Variants in CALD1 observed in about 807,000 individuals in gnomAD.
The protein encoded by CALD1 is caldesmon 1.
Under a neutral mutation model 99.9 loss-of-function variants are expected in CALD1, and 33 were observed. The ratio of observed to expected loss-of-function variants is 0.33; its 90% CI spans 0.25 to 0.44. CALD1 has a LOEUF of 0.44. CALD1 is among the 20% of genes least tolerant of loss of function. The pLI is 1.00. For synonymous variants in CALD1, 310 were observed against 325.0 expected (o/e 0.95, Z 0.50); for missense variants, 861 against 962.1 (o/e 0.89, Z 1.39).
At chr7:134,934,785 G>T (rs1805830679) in intron 5 of CALD1, among the ~76,000 whole-genome samples, 1 of 152,164 alleles carries the variant, frequency 6.6e-6, no homozygotes, top group South Asian at 2.1e-4. Context: ...GGAGGCTGAG[G>T]CAGGAGAATC....
intron 1 of CALD1, among the ~76,000 whole-genome samples, chr7:134,808,887 C>T (rs1011571733): frequency 6.6e-6 from 1 of 152,144 alleles, no homozygotes; most frequent in African/African-American, 2.4e-5. Flanking sequence ...TATTTTAAAA[C>T]AAATTTTCAA....
At chr7:134,739,986 G>A (rs921284780), upstream of CALD1, among the ~76,000 whole-genome samples, 7 of 151,794 alleles carry the variant, frequency 4.6e-5, no homozygotes, top group African/African-American at 7.3e-5. Flanking sequence ...AAAATTTAAG[G>A]GAGATACAAG....
At chr7:134,877,215 C>T (rs1241200835) in intron 3 of CALD1, among the ~76,000 whole-genome samples, 1 of 152,146 alleles carries the variant, frequency 6.6e-6, no homozygotes, top group African/African-American at 2.4e-5. Flanking sequence ...GAAACTCAGC[C>T]TTTTGGCAGC....
chr7:134,889,392 G>T (rs1401050277), intron 3 of CALD1, among the ~76,000 whole-genome samples: 3 of 152,140 alleles, frequency 2.0e-5, no homozygotes, highest in East Asian at 1.9e-4. Context: ...CTGGAAAGGG[G>T]TCTCTGATTT....
intron 3 of CALD1, among the ~76,000 whole-genome samples, chr7:134,877,831 T>C (rs1395580457): frequency 6.6e-6 from 1 of 152,164 alleles, no homozygotes; most frequent in Non-Finnish European, 1.5e-5. Flanking sequence ...TATATAAATA[T>C]TGTAATAATA....
chr7:134,935,706 A>G lies in CALD1; in HGVS notation c.1327A>G (p.Lys443Glu). Residue 443 changes from lysine to glutamate, a missense_variant, in exon 6 of 15, where the codon AAA becomes GAA. Transcript: ENST00000361675. ...LKKQGEEKGT[K>E]VQAKREKLQE... The stretch of plus-strand genomic sequence containing the variant: ...TAAAAAGGGAGAAGAGAAGGGAACT[A>G]AAGTGCAAGCTAAAAGAGAAAAGCT... 1 of 1,605,912 alleles carries G rather than the reference A, an allele frequency of 6.2e-7. No individual in the cohort carries two copies. The highest frequency in any genetic ancestry group is 8.5e-7 in the Non-Finnish European group (1 of 1,176,580).
chr7:134,885,236 T>C (rs1466382597), intron 3 of CALD1, among the ~76,000 whole-genome samples: 1 of 152,158 alleles, frequency 6.6e-6, no homozygotes, highest in Non-Finnish European at 1.5e-5. Context: ...CCCGGCACCA[T>C]ACGTTTATTT....
At position 134,766,141 on chromosome 7, in the gene CALD1, C is replaced by CTTTT. The variant is rs71172475; in HGVS notation, c.-130+21803_-130+21806dup. 2.1e-3 allele frequency among the ~76,000 whole-genome samples: 148 copies of CTTTT among 70,806 alleles called. 3 individuals are homozygous for CTTTT. The highest frequency in any genetic ancestry group is 3.0e-3 in the African/African-American group (52 of 17,378). The allele number at this position is 70,806 out of a possible 152,430, so 46.5% of individuals were successfully genotyped here. A position where few individuals can be genotyped will look rare whatever the true frequency, so the allele number is the denominator to read the frequency against. On this transcript the variant is annotated intron_variant, in intron 1 of 13. Coordinates refer to the CALD1 transcript ENST00000417172. ...GAGCCCCTTAAACCTCTTTTCTTTT[C>CTTTT]TTTTTTTTTTTTTTTTTTTTTTTTT...
chr7:134,749,902 G>C (rs530896547), intron 1 of CALD1, among the ~76,000 whole-genome samples: 1 of 152,248 alleles, frequency 6.6e-6, no homozygotes, highest in East Asian at 1.9e-4. Context: ...GAAAGAGCTG[G>C]CTCTTGACTC....
the CALD1 span, among the ~76,000 whole-genome samples, chr7:134,730,286 C>T: frequency 5.0e-5 from 7 of 140,808 alleles, no homozygotes; most frequent in African/African-American, 1.3e-4. Context: ...ATAAATCAAA[C>T]ATCCAGAAAC....
chr7:134,809,196 T>C (rs1798263229), intron 1 of CALD1, among the ~76,000 whole-genome samples: 1 of 152,254 alleles, frequency 6.6e-6, no homozygotes, highest in South Asian at 2.1e-4. Context: ...GTATACGTAC[T>C]ACAATCCTGC....
Position 134,941,297 on chromosome 7 carries a change from AG to A in CALD1, c.1532+61del. 5 of 1,325,682 alleles carry A rather than the reference AG, an allele frequency of 3.8e-6. No individual in the cohort carries two copies. The South Asian group carries it at 5.6e-5, about 15-fold the overall frequency. 82.1% of individuals were successfully genotyped at this position (1,325,682 alleles called of 1,614,324 possible). On this transcript the variant is annotated intron_variant, in intron 7 of 14. Transcript: ENST00000361675. Reference sequence around the variant, plus strand: ...TCACATGCAAAGAAAAAAAAAAAAAAGTCAGTCTTCCCATCCTGTGCTTCCA... The same window carrying A: ...TCACATGCAAAGAAAAAAAAAAAAAATCAGTCTTCCCATCCTGTGCTTCCA...
chr7:134,772,694 A>AT (rs1371629393), intron 1 of CALD1, among the ~76,000 whole-genome samples: 2 of 152,254 alleles, frequency 1.3e-5, no homozygotes, highest in Admixed American at 6.5e-5. Flanking sequence ...TCTTGTACAA[A>AT]TTTTTTTAAA....
chr7:134,930,975 T>C (rs1805479606), intron 4 of CALD1, among the ~76,000 whole-genome samples: 1 of 152,224 alleles, frequency 6.6e-6, no homozygotes, highest in Admixed American at 6.5e-5. Context: ...CAACAGGAGC[T>C]TTAAAAATTA....
intron 3 of CALD1, among the ~76,000 whole-genome samples, chr7:134,895,857 C>T (rs976747077): frequency 1.3e-5 from 2 of 152,082 alleles, no homozygotes; most frequent in Admixed American, 6.5e-5. Context: ...TCTCTCTGCC[C>T]ACTTGCTTCT....
intron 6 of CALD1, among the ~76,000 whole-genome samples, chr7:134,937,934 C>G (rs1212608706): frequency 6.6e-6 from 1 of 152,168 alleles, no homozygotes; most frequent in Non-Finnish European, 1.5e-5. Flanking sequence ...CATGCAGGAG[C>G]TATTTTCTTT....
intron 7 of CALD1, among the ~76,000 whole-genome samples, chr7:134,941,790 T>C (rs1230014178): frequency 1.3e-5 from 2 of 152,148 alleles, no homozygotes; most frequent in African/African-American, 2.4e-5. Context: ...TGGAAGTCTC[T>C]AAGAGGGAGT....
intron 3 of CALD1, among the ~76,000 whole-genome samples, chr7:134,895,193 A>T (rs1802474891): frequency 1.3e-5 from 2 of 152,028 alleles, no homozygotes; most frequent in South Asian, 4.1e-4. Flanking sequence ...TAAACATAAG[A>T]ATATTGAGAT....
At chr7:134,825,211 G>T (rs1334231541) in intron 1 of CALD1, among the ~76,000 whole-genome samples, 1 of 152,082 alleles carries the variant, frequency 6.6e-6, no homozygotes, top group East Asian at 1.9e-4. Flanking sequence ...TGGGAAAAGG[G>T]GTAAGGTAAT....
Sources: allele counts gnomAD v4.1 joint callset (sites outside exome capture counted in the v4.1 genomes callset), GRCh38; gene constraint gnomAD v4.1.1; transcripts MANE v1.5; gene names NCBI Gene and HGNC (gene_info 2026-07-23, HGNC 2026-07-21).